PDE7A: variants seen among roughly 807,000 people sequenced by gnomAD.
PDE7A encodes the protein high affinity 3',5'-cyclic-AMP phosphodiesterase 7A.
A neutral mutation model predicts 64.3 loss-of-function variants in PDE7A; 39 were observed. The observed-to-expected ratio is 0.61, with a 90% CI of 0.47 to 0.79. PDE7A has a LOEUF of 0.79. PDE7A is among the 30% of genes least tolerant of loss of function. The pLI is 0.00. For missense variants in PDE7A, 470 were observed against 582.8 expected, an observed-to-expected ratio of 0.81 and a Z score of 1.99; for synonymous variants, 203 against 206.8, an observed-to-expected ratio of 0.98 and a Z score of 0.16.
chr8:65,799,189 C>T (rs1809930011), intron 1 of PDE7A, among the ~76,000 whole-genome samples: 2 of 152,078 alleles, frequency 1.3e-5, no homozygotes, highest in South Asian at 4.1e-4. Flanking sequence ...AGTGTACCTG[C>T]TTGTTAAAAT....
At chr8:65,742,468 T>C (rs17396080) in intron 5 of PDE7A, among the ~76,000 whole-genome samples, 77,236 of 152,076 alleles carry the variant, frequency 0.51, 20,658 homozygotes, top group Non-Finnish European at 0.57. Context: ...CGATTTGTCT[T>C]GGCACGAATC....
At chr8:65,806,363 G>C (rs1810108805) in intron 1 of PDE7A, among the ~76,000 whole-genome samples, 1 of 152,160 alleles carries the variant, frequency 6.6e-6, no homozygotes, top group African/African-American at 2.4e-5. Flanking sequence ...GTTGAGGGAG[G>C]AGGGAGTGGG....
intron 3 of PDE7A, among the ~76,000 whole-genome samples, chr8:65,774,803 T>C (rs921601428): frequency 2.0e-5 from 3 of 151,914 alleles, no homozygotes; most frequent in Non-Finnish European, 4.4e-5. Context: ...CAAAGAAAAA[T>C]TTAATGAGAA....
chr8:65,750,163 A>G (rs1008886301), intron 3 of PDE7A, among the ~76,000 whole-genome samples: 5 of 152,232 alleles, frequency 3.3e-5, no homozygotes, highest in Non-Finnish European at 4.4e-5. Context: ...CATCCTGTGA[A>G]GAAGGCAAAG....
chr8:65,728,866 A>G (rs1806717196), intron 7 of PDE7A, among the ~76,000 whole-genome samples: 1 of 152,240 alleles, frequency 6.6e-6, no homozygotes. Flanking sequence ...CAGGTATATT[A>G]AAGAGTTAAC....
intron 9 of PDE7A, chr8:65,725,590 C>T (rs1395942301): frequency 1.3e-5 from 2 of 152,312 alleles, no homozygotes; most frequent in Non-Finnish European, 2.9e-5. Context: ...GATAAACATA[C>T]TTAAAAAAAA....
chr8:65,798,297 C>G (rs141546416), intron 1 of PDE7A, among the ~76,000 whole-genome samples: 5 of 149,790 alleles, frequency 3.3e-5, no homozygotes. Context: ...GCAACCTCTA[C>G]CTCTCGGGTT....
At chr8:65,802,516 T>C (rs1810015468) in intron 1 of PDE7A, among the ~76,000 whole-genome samples, 1 of 152,212 alleles carries the variant, frequency 6.6e-6, no homozygotes, top group African/African-American at 2.4e-5. Context: ...CAGTGTTTAC[T>C]CTTCCTAACT....
chr8:65,812,443 G>T (rs1401342445), intron 1 of PDE7A, among the ~76,000 whole-genome samples: 1 of 152,042 alleles, frequency 6.6e-6, no homozygotes, highest in African/African-American at 2.4e-5. Flanking sequence ...AACTGTGGAA[G>T]CAGAACCATA....
At chr8:65,788,534 C>T (rs914064379) in intron 1 of PDE7A, among the ~76,000 whole-genome samples, 4 of 151,908 alleles carry the variant, frequency 2.6e-5, no homozygotes, top group African/African-American at 4.8e-5. Flanking sequence ...ACATTTTCTC[C>T]GAGAGAATGT....
At chr8:65,731,971 AT>A (rs1316706382) in intron 7 of PDE7A, among the ~76,000 whole-genome samples, 1 of 138,796 alleles carries the variant, frequency 7.2e-6, no homozygotes, top group African/African-American at 2.5e-5. Context: ...TCTCTATATT[AT>A]TATTATTATT....
At chr8:65,839,223 T>TAA (rs1554572851) in intron 1 of PDE7A, among the ~76,000 whole-genome samples, 150 of 149,724 alleles carry the variant, frequency 1.0e-3, no homozygotes, top group Admixed American at 2.2e-3. Context: ...GTCTTTTTTT[T>TAA]AAAAAAAAAA....
intron 1 of PDE7A, among the ~76,000 whole-genome samples, chr8:65,822,854 G>C (rs949121532): frequency 5.3e-5 from 8 of 152,044 alleles, no homozygotes; most frequent in Non-Finnish European, 1.0e-4. Flanking sequence ...TTTTGGAGGA[G>C]GTGGAAATAA....
chr8:65,731,915 A>G (rs76326392), intron 7 of PDE7A, among the ~76,000 whole-genome samples: 6,106 of 152,214 alleles, frequency 0.04, 181 homozygotes, highest in Non-Finnish European at 0.062. Flanking sequence ...GTGACTTGTG[A>G]TCACCCTATC....
intron 1 of PDE7A, among the ~76,000 whole-genome samples, chr8:65,787,051 A>G (rs565240688): frequency 2.6e-5 from 4 of 152,358 alleles, no homozygotes; most frequent in Non-Finnish European, 4.4e-5. Context: ...TAGTTAATAC[A>G]TAACTTTTAA....
chr8:65,816,362 AATTC>A (rs1421178063), intron 1 of PDE7A, among the ~76,000 whole-genome samples: 1 of 152,216 alleles, frequency 6.6e-6, no homozygotes. Flanking sequence ...TTTTAGATAG[AATTC>A]AATGCTTTTT....
At chr8:65,736,668 A>G (rs966366581) in intron 6 of PDE7A, among the ~76,000 whole-genome samples, 3 of 151,794 alleles carry the variant, frequency 2.0e-5, no homozygotes, top group Non-Finnish European at 4.4e-5. Flanking sequence ...GGAGGATCGC[A>G]TGAGCCGAGA....
chr8:65,727,161 T>C lies in PDE7A; in HGVS notation c.828+9A>G. On this transcript the variant is annotated intron_variant, in intron 8 of 12. Coordinates refer to ENST00000401827, the MANE Select transcript of PDE7A (RefSeq NM_001242318.3). ...AAATAATAAATCTTGATGATAAAAT[T>C]GCACTAACCTTGTATAAAGTTGCCA... The C allele has an allele frequency of 7.0e-7, 1 of 1,429,920 alleles. No individual in the cohort carries two copies. Among genetic ancestry groups the C allele is most frequent in the Non-Finnish European group, 9.8e-7 (1 of 1,020,308 alleles). The allele number at this position is 1,429,920 out of a possible 1,614,324, so 88.6% of individuals were successfully genotyped here. A position where few individuals can be genotyped will look rare whatever the true frequency, so the allele number is the denominator to read the frequency against.
At chr8:65,732,581 TA>T (rs1414660521) in intron 7 of PDE7A, among the ~76,000 whole-genome samples, 1 of 152,202 alleles carries the variant, frequency 6.6e-6, no homozygotes, top group African/African-American at 2.4e-5. Context: ...GCAGTGGCAC[TA>T]TCACTACTCT....
Sources: gnomAD v4.1 joint callset for allele counts (sites outside exome capture counted in the v4.1 genomes callset) on GRCh38, gnomAD v4.1.1 for gene constraint, MANE v1.5 for transcripts, NCBI Gene and HGNC (gene_info 2026-07-23, HGNC 2026-07-21) for gene names.